Variants in SPIRE1 observed in about 807,000 individuals in gnomAD.
The protein encoded by SPIRE1 is spire type actin nucleation factor 1.
Under a neutral mutation model 94.1 loss-of-function variants are expected in SPIRE1, and 40 were observed. The ratio of observed to expected loss-of-function variants is 0.43; its 90% CI spans 0.33 to 0.55. SPIRE1 has a LOEUF of 0.55. Among genes scored for constraint, SPIRE1 ranks in the 20% least tolerant of loss-of-function variants. The pLI is 0.06. For missense variants in SPIRE1, 838 were observed against 975.2 expected (o/e 0.86, Z 1.87); for synonymous variants, 376 against 371.7 (o/e 1.01, Z -0.13).
intron 12 of SPIRE1, among the ~76,000 whole-genome samples, chr18:12,461,306 A>C (rs2031786129): frequency 6.6e-6 from 1 of 152,158 alleles, no homozygotes; most frequent in Non-Finnish European, 1.5e-5. Flanking sequence ...GGCCAGTTAC[A>C]AGCTGAATGA....
intron 2 of SPIRE1, among the ~76,000 whole-genome samples, chr18:12,623,222 T>C (rs973395549): frequency 2.6e-5 from 4 of 152,036 alleles, no homozygotes; most frequent in Non-Finnish European, 5.9e-5. Flanking sequence ...GGCGTGATCT[T>C]GGCTCACTGC....
At chr18:12,546,577 G>A in intron 3 of SPIRE1, 97 bp downstream of exon 3, 1 of 923,984 alleles carries the variant, frequency 1.1e-6, no homozygotes, top group South Asian at 1.5e-5. Context: ...CTCTAGCCTG[G>A]GCGACAGAGT....
At chr18:12,629,283 T>C (rs2037713518) in intron 2 of SPIRE1, among the ~76,000 whole-genome samples, 1 of 152,214 alleles carries the variant, frequency 6.6e-6, no homozygotes, top group Non-Finnish European at 1.5e-5. Flanking sequence ...TCAATTAAAA[T>C]ACATGGAAAT....
intron 5 of SPIRE1, among the ~76,000 whole-genome samples, chr18:12,511,026 C>G (rs999298000): frequency 1.3e-5 from 2 of 152,200 alleles, no homozygotes; most frequent in Non-Finnish European, 2.9e-5. Flanking sequence ...TTTTACAAAT[C>G]TGTCTTCTGT....
In SPIRE1 at chr18:12,636,996, G is replaced by C. The variant is rs192028785; in HGVS notation, c.338-1900C>G. Among the ~76,000 whole-genome samples, 475 of 152,300 alleles carry C rather than the reference G, an allele frequency of 3.1e-3. 2 individuals carry two copies. Among genetic ancestry groups the C allele is most frequent in the Non-Finnish European group, 6.0e-3 (407 of 68,028 alleles). ...CAGTTACTGAGAGCCTACTCTGCAT[G>C]GGGGGAAGAGAGAGAGGGAGGAAGA... is the stretch of plus-strand genomic sequence containing the variant. On this transcript the variant is annotated intron_variant, in intron 1 of 16. Coordinates refer to ENST00000409402, the MANE Select transcript of SPIRE1 (RefSeq NM_001128626.2).
intron 13 of SPIRE1, among the ~76,000 whole-genome samples, chr18:12,454,092 G>C (rs2031386529): frequency 2.0e-5 from 3 of 151,966 alleles, no homozygotes; most frequent in Admixed American, 2.0e-4. Context: ...CACATGCATG[G>C]TTTTAGGAAG....
In SPIRE1 at chr18:12,551,500, G is replaced by A. The variant is rs574552078; in HGVS notation, c.373-4596C>T. Among the ~76,000 whole-genome samples the A allele has an allele frequency of 4.9e-4, 74 of 152,254 alleles. 1 individual carries two copies. The South Asian group carries it at 0.015, about 31-fold the overall frequency. On this transcript the variant is annotated intron_variant, in intron 2 of 16. Transcript: ENST00000409402. Reference sequence around the variant, plus strand: ...GCAGATCACGAGGTCGGGAGATTGAGACCATCCTGGCTAACACGGAGAAAC... The same window carrying A: ...GCAGATCACGAGGTCGGGAGATTGAAACCATCCTGGCTAACACGGAGAAAC...
At chr18:12,597,124 G>A (rs897850108) in intron 2 of SPIRE1, among the ~76,000 whole-genome samples, 2 of 146,384 alleles carry the variant, frequency 1.4e-5, no homozygotes, top group Non-Finnish European at 3.0e-5. Context: ...CTCTATTCAC[G>A]GATTTTTGCA....
chr18:12,615,580 T>C (rs1598535080), intron 2 of SPIRE1, among the ~76,000 whole-genome samples: 1 of 134,266 alleles, frequency 7.4e-6, no homozygotes, highest in East Asian at 2.4e-4. Flanking sequence ...GATAACATTT[T>C]TCAAAGACAA....
chr18:12,597,352 C>A (rs2036705567), intron 2 of SPIRE1, among the ~76,000 whole-genome samples: 1 of 152,096 alleles, frequency 6.6e-6, no homozygotes, highest in African/African-American at 2.4e-5. Flanking sequence ...TAGAGGGGCT[C>A]CAGAGCACAC....
intron 2 of SPIRE1, among the ~76,000 whole-genome samples, chr18:12,618,391 C>T (rs1028239192): frequency 2.0e-5 from 3 of 152,088 alleles, no homozygotes; most frequent in Non-Finnish European, 4.4e-5. Flanking sequence ...AGAGCCACCG[C>T]GCCCGGCCAC....
At chr18:12,568,390 T>C (rs530790626) in intron 2 of SPIRE1, among the ~76,000 whole-genome samples, 25 of 152,352 alleles carry the variant, frequency 1.6e-4, no homozygotes, top group African/African-American at 6.0e-4. Context: ...CTCATCTCTA[T>C]GCCACTGTTC....
At chr18:12,622,873 T>C (rs2037514828) in intron 2 of SPIRE1, among the ~76,000 whole-genome samples, 1 of 152,230 alleles carries the variant, frequency 6.6e-6, no homozygotes, top group African/African-American at 2.4e-5. Flanking sequence ...GAATCTTCAC[T>C]ATGGTGTCCT....
chr18:12,500,257 A>G (rs2033609006), intron 6 of SPIRE1, among the ~76,000 whole-genome samples: 2 of 152,352 alleles, frequency 1.3e-5, no homozygotes, highest in South Asian at 4.1e-4. Flanking sequence ...ACAAACAGGC[A>G]CATGCACACC....
At chr18:12,524,288 T>C (rs2034440502) in intron 4 of SPIRE1, among the ~76,000 whole-genome samples, 1 of 152,248 alleles carries the variant, frequency 6.6e-6, no homozygotes, top group Non-Finnish European at 1.5e-5. Flanking sequence ...CTGGCTCTAA[T>C]CTGGGCATCT....
chr18:12,645,171 T>C (rs11665431), intron 1 of SPIRE1, among the ~76,000 whole-genome samples: 2,476 of 151,578 alleles, frequency 0.016, 23 homozygotes, highest in Middle Eastern at 0.024. Context: ...GTCATAACTA[T>C]TCAATAGTAA....
chr18:12,643,715 C>T (rs991196644), intron 1 of SPIRE1, among the ~76,000 whole-genome samples: 3 of 152,090 alleles, frequency 2.0e-5, no homozygotes, highest in Non-Finnish European at 2.9e-5. Context: ...CTACACTTTG[C>T]CATTTTTAGC....
At chr18:12,580,882 G>C (rs770083045) in intron 2 of SPIRE1, among the ~76,000 whole-genome samples, 2 of 152,144 alleles carry the variant, frequency 1.3e-5, no homozygotes, top group African/African-American at 2.4e-5. Context: ...AGTAGAGCTA[G>C]TTATTCCTGG....
chr18:12,553,743 A>G (rs1197930767), intron 2 of SPIRE1, among the ~76,000 whole-genome samples: 1 of 152,154 alleles, frequency 6.6e-6, no homozygotes. Context: ...AAACTAAAAA[A>G]ACTTCAAATA....
Sources: allele counts gnomAD v4.1 joint callset (sites outside exome capture counted in the v4.1 genomes callset), GRCh38; gene constraint gnomAD v4.1.1; transcripts MANE v1.5; gene names NCBI Gene and HGNC (gene_info 2026-07-23, HGNC 2026-07-21).